Variants in SEC24D observed in about 807,000 individuals in gnomAD.
SEC24D encodes protein transport protein Sec24D.
In SEC24D, 69 loss-of-function variants were observed where a neutral mutation model predicts 116.9. The ratio of observed to expected loss-of-function variants is 0.59; its 90% confidence interval spans 0.49 to 0.72. SEC24D has a LOEUF of 0.72. Ranked by LOEUF, SEC24D falls within the 30% of genes least tolerant of loss-of-function variation. SEC24D has a pLI of 0.00. For missense variants in SEC24D, 1,131 were observed against 1,264.1 expected (o/e 0.89, Z 1.60); for synonymous variants, 405 against 442.8 (o/e 0.91, Z 1.07).
At position 118,766,246 on chromosome 4, in the gene SEC24D, T is replaced by C. The variant is rs1053793992; in HGVS notation, c.1181-1329A>G. ...AACATTCAACTCATACCATAAATCA[T>C]GTACTACCCTTTGGCCCCTGTCTTC... On this transcript the variant is annotated intron_variant, in intron 9 of 22. Transcript: ENST00000280551. 2.0e-5 allele frequency among the ~76,000 whole-genome samples: 3 copies of C among 152,306 alleles called. No homozygotes were observed. The South Asian group carries it at 6.2e-4, about 32-fold the overall frequency.
At chr4:118,815,832 G>A (rs560181060) in intron 4 of SEC24D, 106 bp from the exon 5 acceptor site, 3 of 1,248,374 alleles carry the variant, frequency 2.4e-6, no homozygotes, top group Admixed American at 2.1e-5. Context: ...TAAAGCAAGA[G>A]GACACCCTTA....
At chr4:118,744,832 G>A in intron 14 of SEC24D, 112 bp downstream of exon 14, 2 of 658,204 alleles carry the variant, frequency 3.0e-6, no homozygotes, top group Non-Finnish European at 5.4e-6. Context: ...CAATGCCCTG[G>A]ACTTAATTTA....
chr4:118,768,674 C>T (rs1474025747), intron 8 of SEC24D, among the ~76,000 whole-genome samples: 22 of 152,018 alleles, frequency 1.4e-4, no homozygotes, highest in African/African-American at 3.9e-4. Flanking sequence ...GGATTACAGG[C>T]GTAAGCCACT....
Position 118,775,190 on chromosome 4 carries a change from G to C in SEC24D, c.1042-6879C>G, listed in dbSNP as rs115861602. 3.3e-3 allele frequency among the ~76,000 whole-genome samples: 496 copies of C among 152,094 alleles called. 1 individual carries two copies. The highest frequency in any genetic ancestry group is 0.011 in the African/African-American group (468 of 41,476). ...ACCACGACTACATTCTCAAATCCAT[G>C]ACTCACAGGTCCAGCCTGTTTACTG... On this transcript the variant is annotated intron_variant, in intron 8 of 22. Coordinates refer to ENST00000280551, the MANE Select transcript of SEC24D (RefSeq NM_014822.4).
intron 22 of SEC24D, among the ~76,000 whole-genome samples, chr4:118,726,276 G>A (rs1385147335): frequency 6.6e-6 from 1 of 152,196 alleles, no homozygotes; most frequent in Non-Finnish European, 1.5e-5. Context: ...AGTGGCAGAT[G>A]AATGAAGAGA....
At chr4:118,816,035 C>T (rs1326247339) in intron 4 of SEC24D, among the ~76,000 whole-genome samples, 1 of 151,808 alleles carries the variant, frequency 6.6e-6, no homozygotes, top group East Asian at 1.9e-4. Context: ...GATCCTCCCA[C>T]CTCAGCCTCC....
chr4:118,772,908 T>A (rs1727967711), intron 8 of SEC24D, among the ~76,000 whole-genome samples: 1 of 152,118 alleles, frequency 6.6e-6, no homozygotes, highest in African/African-American at 2.4e-5. Flanking sequence ...ATAAGTAATG[T>A]CATACCCACC....
intron 2 of SEC24D, among the ~76,000 whole-genome samples, chr4:118,825,145 A>C (rs1560762713): frequency 6.6e-6 from 1 of 152,234 alleles, no homozygotes; most frequent in Non-Finnish European, 1.5e-5. Flanking sequence ...AAAGCATTCT[A>C]ACTGTAACTA....
intron 3 of SEC24D, among the ~76,000 whole-genome samples, chr4:118,819,890 G>C (rs1730321966): frequency 6.6e-6 from 1 of 152,114 alleles, no homozygotes; most frequent in Non-Finnish European, 1.5e-5. Flanking sequence ...TAGAGAATGA[G>C]AGACTATATA....
chr4:118,783,549 G>C (rs1403936882), intron 8 of SEC24D, among the ~76,000 whole-genome samples: 1 of 152,176 alleles, frequency 6.6e-6, no homozygotes, highest in Non-Finnish European at 1.5e-5. Flanking sequence ...AATTGAATTG[G>C]TTATTCTTAA....
At chr4:118,792,774 G>A (rs946247642) in intron 8 of SEC24D, among the ~76,000 whole-genome samples, 6 of 152,086 alleles carry the variant, frequency 3.9e-5, no homozygotes, top group African/African-American at 1.4e-4. Flanking sequence ...AGGGCCCTCT[G>A]CCTAGGAAAA....
chr4:118,775,404 A>T (rs1728087696), intron 8 of SEC24D, among the ~76,000 whole-genome samples: 1 of 152,050 alleles, frequency 6.6e-6, no homozygotes, highest in Non-Finnish European at 1.5e-5. Context: ...CCTTCGCTCA[A>T]GGAAGATATG....
chr4:118,821,086 T>C (rs913414758), intron 3 of SEC24D, among the ~76,000 whole-genome samples: 2 of 152,214 alleles, frequency 1.3e-5, no homozygotes, highest in Non-Finnish European at 2.9e-5. Context: ...CAAGATTTGA[T>C]TGAAACAAAA....
At chr4:118,742,966 T>C (rs1207782164) in intron 15 of SEC24D, among the ~76,000 whole-genome samples, 1 of 151,800 alleles carries the variant, frequency 6.6e-6, no homozygotes, top group South Asian at 2.1e-4. Flanking sequence ...GGCACAGGGG[T>C]CCACAGGAGA....
At chr4:118,756,391 G>A (rs781657064) in intron 11 of SEC24D, among the ~76,000 whole-genome samples, 3 of 151,932 alleles carry the variant, frequency 2.0e-5, no homozygotes, top group African/African-American at 7.3e-5. Context: ...AAATTGCCTC[G>A]GTGTTTTTTA....
chr4:118,816,441 G>A (rs777737311), intron 4 of SEC24D, among the ~76,000 whole-genome samples: 12 of 152,102 alleles, frequency 7.9e-5, no homozygotes, highest in Non-Finnish European at 1.2e-4. Context: ...CATCCTGTGC[G>A]TGACTTGACC....
At chr4:118,812,705 T>C (rs1177191429) in intron 6 of SEC24D, among the ~76,000 whole-genome samples, 7 of 152,090 alleles carry the variant, frequency 4.6e-5, no homozygotes. Context: ...CAATAAAACC[T>C]TGCACTCATT....
intron 8 of SEC24D, among the ~76,000 whole-genome samples, chr4:118,794,262 A>G (rs1196207462): frequency 3.3e-5 from 5 of 152,190 alleles, no homozygotes; most frequent in African/African-American, 1.2e-4. Context: ...GAATAATTTT[A>G]TAATAATTAA....
chr4:118,794,687 C>T (rs1027357428), intron 8 of SEC24D, among the ~76,000 whole-genome samples: 1 of 152,160 alleles, frequency 6.6e-6, no homozygotes, highest in Non-Finnish European at 1.5e-5. Flanking sequence ...CTGAGAAAAG[C>T]TGTGGGGATG....
Sources: allele counts gnomAD v4.1 joint callset (sites outside exome capture counted in the v4.1 genomes callset), GRCh38; gene constraint gnomAD v4.1.1; transcripts MANE v1.5; gene names NCBI Gene and HGNC (gene_info 2026-07-23, HGNC 2026-07-21).